Variants in FTO observed in about 807,000 individuals in gnomAD.
FTO encodes alpha-ketoglutarate-dependent dioxygenase FTO.
FTO carries 47 observed loss-of-function variants against 63.9 expected under a neutral mutation model. That is an observed-to-expected ratio of 0.74 (90% CI 0.58 to 0.94). The LOEUF is 0.94. FTO is among the 40% of genes least tolerant of loss of function. The pLI, the probability that FTO is intolerant of heterozygous loss-of-function variation, is 0.00. For missense variants in FTO, 562 were observed against 618.1 expected, an observed-to-expected ratio of 0.91 and a Z score of 0.96; for synonymous variants, 207 against 224.4, an observed-to-expected ratio of 0.92 and a Z score of 0.69.
intron 1 of FTO, among the ~76,000 whole-genome samples, chr16:53,805,051 A>G (rs74374937): frequency 0.016 from 2,481 of 152,326 alleles, 56 homozygotes; most frequent in African/African-American, 0.056. Flanking sequence ...TTCATTAGCC[A>G]TTATTCATCA....
chr16:53,961,772 A>G (rs1177795018), intron 8 of FTO, among the ~76,000 whole-genome samples: 1 of 152,242 alleles, frequency 6.6e-6, no homozygotes, highest in Non-Finnish European at 1.5e-5. Context: ...ATGATGACCA[A>G]CATTGACAGT....
intron 8 of FTO, among the ~76,000 whole-genome samples, chr16:54,073,829 T>G (rs113910483): frequency 2.0e-5 from 3 of 152,120 alleles, no homozygotes; most frequent in African/African-American, 7.2e-5. Flanking sequence ...GAATAAAAAT[T>G]TATAGAATAC....
At chr16:53,853,085 G>C (rs2079861383) in intron 4 of FTO, among the ~76,000 whole-genome samples, 1 of 152,182 alleles carries the variant, frequency 6.6e-6, no homozygotes, top group Non-Finnish European at 1.5e-5. Context: ...CTGAGGTTGG[G>C]AGTTTGAGAC....
intron 4 of FTO, among the ~76,000 whole-genome samples, chr16:53,854,564 T>C (rs1366444308): frequency 6.6e-6 from 1 of 152,138 alleles, no homozygotes; most frequent in Non-Finnish European, 1.5e-5. Flanking sequence ...TTTTCCAGTA[T>C]ATCCTTTGTC....
chr16:54,020,978 GA>G (rs760330330), intron 8 of FTO, among the ~76,000 whole-genome samples: 1 of 149,772 alleles, frequency 6.7e-6, no homozygotes, highest in Non-Finnish European at 1.5e-5. Flanking sequence ...CTCAAAAAAA[GA>G]AAAAAAAAGA....
chr16:54,085,422 G>C (rs1272696771), intron 8 of FTO, among the ~76,000 whole-genome samples: 4 of 152,076 alleles, frequency 2.6e-5, no homozygotes, highest in South Asian at 4.1e-4. Context: ...TACGTTTTTA[G>C]ATTTTTATTT....
In FTO at chr16:53,911,527, T is replaced by C. The variant is rs140313893; in HGVS notation, c.1240-22458T>C. ...AGGTGGGGGAAGATAGGTGAATCTA[T>C]AGATGCATTTGTGTCATCTGATCTG... On this transcript the variant is annotated intron_variant, in intron 7 of 8. Transcript: ENST00000471389. The C allele has an allele frequency of 4.6e-4, 324 of 702,210 alleles. 1 individual carries two copies. In the African/African-American group the frequency reaches 4.7e-3, roughly 10 times the overall value. The allele number at this position is 702,210 out of a possible 1,614,324, so 43.5% of individuals were successfully genotyped here. A position where few individuals can be genotyped will look rare whatever the true frequency, so the allele number is the denominator to read the frequency against.
chr16:53,738,340 C>T lies in FTO; in HGVS notation c.45+34111C>T, dbSNP rs541462329. Among the ~76,000 whole-genome samples the T allele has an allele frequency of 2.0e-5, 3 of 152,264 alleles. No homozygotes were observed. The East Asian group carries it at 5.8e-4, about 29-fold the overall frequency. On this transcript the variant is annotated intron_variant, in intron 1 of 8. Coordinates refer to ENST00000471389, the MANE Select transcript of FTO (RefSeq NM_001080432.3). ...AACTTTTTATAGAGATGAGGTCTGG[C>T]TATGTTGCCTAGGCTGTTCTTGAAC...
At chr16:54,033,058 A>G (rs973193266) in intron 8 of FTO, among the ~76,000 whole-genome samples, 3 of 152,186 alleles carry the variant, frequency 2.0e-5, no homozygotes, top group African/African-American at 7.2e-5. Context: ...CCATGAGTCA[A>G]TTAAACCTCT....
At chr16:53,904,806 G>A (rs188465486) in intron 7 of FTO, among the ~76,000 whole-genome samples, 6 of 152,088 alleles carry the variant, frequency 3.9e-5, no homozygotes, top group South Asian at 2.1e-4. Flanking sequence ...TCTCCTGCTC[G>A]CCTCGTTCTT....
chr16:53,851,562 C>T (rs2079797921), intron 4 of FTO, among the ~76,000 whole-genome samples: 1 of 152,062 alleles, frequency 6.6e-6, no homozygotes, highest in Non-Finnish European at 1.5e-5. Context: ...TGTAGACATT[C>T]TCTTTCCCCT....
rs145247567 is a variant in FTO at position 54,082,009 on chromosome 16, G to A, written c.1365-29753G>A. ...AGCCTGATTTTCCTCAGCATCTACC[G>A]CCCCGTCAGACAGGGGGCAATAATT... is the stretch of plus-strand genomic sequence containing the variant. On this transcript the variant is annotated intron_variant, in intron 8 of 8. Coordinates refer to ENST00000471389, the MANE Select transcript of FTO (RefSeq NM_001080432.3). Among the ~76,000 whole-genome samples, 38 of 152,230 alleles carry A rather than the reference G, an allele frequency of 2.5e-4. No homozygotes were observed. The South Asian group carries it at 4.4e-3, about 17-fold the overall frequency.
intron 3 of FTO, among the ~76,000 whole-genome samples, chr16:53,835,107 C>G (rs1267777452): frequency 6.6e-6 from 1 of 152,140 alleles, no homozygotes; most frequent in Admixed American, 6.6e-5. Context: ...AATTAAATCC[C>G]TTGCTATCTA....
At chr16:54,028,063 A>T (rs2084753727) in intron 8 of FTO, among the ~76,000 whole-genome samples, 1 of 152,118 alleles carries the variant, frequency 6.6e-6, no homozygotes, top group African/African-American at 2.4e-5. Flanking sequence ...ACACATTGTT[A>T]GATAAAGTAT....
intron 8 of FTO, among the ~76,000 whole-genome samples, chr16:54,083,593 T>C (rs974770677): frequency 1.3e-5 from 2 of 152,128 alleles, no homozygotes; most frequent in African/African-American, 4.8e-5. Flanking sequence ...GCCCAGTGAC[T>C]GATGTGAGCT....
intron 2 of FTO, among the ~76,000 whole-genome samples, chr16:53,811,774 G>A (rs2078532539): frequency 6.6e-6 from 1 of 151,814 alleles, no homozygotes; most frequent in Non-Finnish European, 1.5e-5. Flanking sequence ...TTCTTGCTAC[G>A]TCCTCTGCTG....
At chr16:53,929,809 T>C (rs1425073011) in intron 7 of FTO, among the ~76,000 whole-genome samples, 1 of 152,202 alleles carries the variant, frequency 6.6e-6, no homozygotes, top group Non-Finnish European at 1.5e-5. Flanking sequence ...CAAAGAGAAC[T>C]GTTCCAGTTT....
intron 8 of FTO, among the ~76,000 whole-genome samples, chr16:53,947,018 T>C (rs2082666017): frequency 6.6e-6 from 1 of 152,228 alleles, no homozygotes; most frequent in African/African-American, 2.4e-5. Flanking sequence ...TATTGTCTCT[T>C]CAAGGCTCCA....
intron 1 of FTO, among the ~76,000 whole-genome samples, chr16:53,779,739 G>A (rs985401075): frequency 2.0e-5 from 3 of 152,136 alleles, no homozygotes; most frequent in Admixed American, 6.6e-5. Flanking sequence ...TTAATTTATA[G>A]TTTTATCTCA....
Sources: gnomAD v4.1 joint callset for allele counts (sites outside exome capture counted in the v4.1 genomes callset) on GRCh38, gnomAD v4.1.1 for gene constraint, MANE v1.5 for transcripts, NCBI Gene and HGNC (gene_info 2026-07-23, HGNC 2026-07-21) for gene names.